The following RWDD3 variants were observed in gnomAD, a reference collection of about 807,000 sequenced individuals.
RWDD3 encodes RWD domain-containing protein 3.
RWDD3 carries 30 observed loss-of-function variants against 26.5 expected under a neutral mutation model. That is an observed-to-expected ratio of 1.13 (90% CI 0.85 to 1.54). RWDD3 has a LOEUF of 1.54. Ranked by LOEUF, RWDD3 falls within the 40% of genes most tolerant of loss-of-function variation. The probability of loss-of-function intolerance (pLI) is 0.00; values close to 1 mark genes in which losing one functional copy is unlikely to be tolerated. For missense variants in RWDD3, 296 were observed against 309.1 expected (o/e 0.96, Z 0.32); for synonymous variants, 113 against 114.5 (o/e 0.99, Z 0.09).
chr1:95,246,699 G>C (rs1256056713), intron 3 of RWDD3, 42 bp downstream of exon 3: 7 of 1,540,658 alleles, frequency 4.5e-6, no homozygotes, highest in Admixed American at 1.8e-5. Flanking sequence ...CAACTGAATC[G>C]ATAATTATAC....
chr1:95,234,382 TC>T, intron 1 of RWDD3, 67 bp downstream of exon 1: 1 of 1,442,226 alleles, frequency 6.9e-7, no homozygotes, highest in Non-Finnish European at 9.5e-7. Flanking sequence ...TTGCGTCTCC[TC>T]CCCACCACGG....
At chr1:95,238,885 T>G (rs1680486022) in intron 1 of RWDD3, among the ~76,000 whole-genome samples, 1 of 152,164 alleles carries the variant, frequency 6.6e-6, no homozygotes, top group Non-Finnish European at 1.5e-5. Context: ...TGGAATGTGT[T>G]TAGGAGCTTA....
intron 1 of RWDD3, among the ~76,000 whole-genome samples, chr1:95,242,932 A>G (rs1680696455): frequency 6.6e-6 from 1 of 152,194 alleles, no homozygotes; most frequent in Non-Finnish European, 1.5e-5. Context: ...AAAAAAAAGA[A>G]TAAGTAACTA....
chr1:95,236,257 C>G (rs370691067), intron 1 of RWDD3, among the ~76,000 whole-genome samples: 1 of 149,866 alleles, frequency 6.7e-6, no homozygotes. Flanking sequence ...ACCCGGGAGG[C>G]GGAGGTTGCA....
Position 95,244,588 on chromosome 1 carries a change from T to G in RWDD3, c.463T>G (p.Tyr155Asp). ...HLDHMRAKTK[Y>D]VKIVEKWASD... ...AGATCACATGAGAGCAAAGACTAAA[T>G]ATGTCAAAATTGTGGAGAAGTGGGC... is the stretch of plus-strand genomic sequence containing the variant. Residue 155 changes from tyrosine (Y) to aspartate (D), a missense_variant, in exon 2 of 4, where the codon TAT (tyrosine) becomes GAT (aspartate). Tyr to Asp is a radical substitution (Grantham distance 160). Transcript: ENST00000370202. The G allele has an allele frequency of 1.2e-6, 2 of 1,613,950 alleles. No homozygotes were observed. Among genetic ancestry groups the G allele is most frequent in the Non-Finnish European group, 1.7e-6 (2 of 1,180,026 alleles).
chr1:95,239,821 A>C, intron 1 of RWDD3: 1 of 1,289,600 alleles, frequency 7.8e-7, no homozygotes, highest in Non-Finnish European at 1.0e-6. Flanking sequence ...GTAAGGACTG[A>C]CATGGCTGGC....
At chr1:95,242,011 C>T (rs10874910) in intron 1 of RWDD3, among the ~76,000 whole-genome samples, 77,134 of 151,934 alleles carry the variant, frequency 0.51, 20,867 homozygotes, top group Middle Eastern at 0.71. Context: ...AAAGAGGATT[C>T]GGCTGCTTTC....
chr1:95,238,619 A>AG (rs1680470246), intron 1 of RWDD3, among the ~76,000 whole-genome samples: 1 of 46,212 alleles, frequency 2.2e-5, no homozygotes, highest in Non-Finnish European at 6.1e-5. Flanking sequence ...ACAATTGCAA[A>AG]GAAAAAAAAC....
At chr1:95,244,062 C>T in intron 1 of RWDD3, 149 bp from the exon 2 acceptor site, 2 of 1,197,688 alleles carry the variant, frequency 1.7e-6, no homozygotes, top group Non-Finnish European at 2.3e-6. Context: ...TAAATCATAG[C>T]TTTCCTAGTA....
At chr1:95,244,756 G>A in intron 2 of RWDD3, 58 bp downstream of exon 2, 2 of 1,540,888 alleles carry the variant, frequency 1.3e-6, no homozygotes, top group Non-Finnish European at 1.7e-6. Context: ...TAAATGGTGT[G>A]TCTTTAAGTG....
At chr1:95,234,159 C>T, upstream of RWDD3, 4 of 1,481,270 alleles carry the variant, frequency 2.7e-6, no homozygotes, top group Non-Finnish European at 9.1e-7. Context: ...GCGGGCAGTG[C>T]TGCTCCTGGC....
In RWDD3 at chr1:95,246,822, A is replaced by G. The variant is rs1428743237; in HGVS notation, c.756A>G (p.Ala252=). Residue 252 remains alanine, a synonymous_variant, in exon 4 of 4, where the codon GCA becomes GCG. Transcript: ENST00000370202. ...LDELQKEFET[A]GLKKLFSEFV... ...AATTACAAAAGGAATTTGAAACTGC[A>G]GGACTTAAGAAGCTTTTCTCCGAAT... 2 of 1,562,640 alleles carry G rather than the reference A, an allele frequency of 1.3e-6. No individual in the cohort carries two copies. The highest frequency in any genetic ancestry group is 2.8e-5 in the African/African-American group (2 of 72,188).
intron 2 of RWDD3, among the ~76,000 whole-genome samples, chr1:95,245,307 T>A (rs1680809444): frequency 6.6e-6 from 1 of 152,190 alleles, no homozygotes; most frequent in Non-Finnish European, 1.5e-5. Context: ...CTTCTTCAGA[T>A]TTTTCAAGTT....
At chr1:95,239,918 T>TTA in intron 1 of RWDD3, 1 of 1,289,666 alleles carries the variant, frequency 7.8e-7, no homozygotes. Flanking sequence ...CGGTAGGTGT[T>TTA]TATATGGCAC....
intron 1 of RWDD3, among the ~76,000 whole-genome samples, chr1:95,235,433 A>T (rs1680290640): frequency 8.2e-6 from 1 of 121,884 alleles, no homozygotes; most frequent in African/African-American, 3.2e-5. Context: ...ATCTCGGCTC[A>T]CTGCAAGCTC....
At chr1:95,237,143 G>A (rs1264145031) in intron 1 of RWDD3, among the ~76,000 whole-genome samples, 1 of 151,892 alleles carries the variant, frequency 6.6e-6, no homozygotes, top group Non-Finnish European at 1.5e-5. Context: ...TGGGAATTAA[G>A]GGGGTAAGGT....
intron 2 of RWDD3, 69 bp downstream of exon 2, chr1:95,244,767 T>G: frequency 2.7e-6 from 4 of 1,504,278 alleles, no homozygotes; most frequent in Non-Finnish European, 1.8e-6. Context: ...TCTTTAAGTG[T>G]GTTTTATAAC....
At chr1:95,246,277 G>T in intron 2 of RWDD3, 1 of 276,972 alleles carries the variant, frequency 3.6e-6, no homozygotes, top group Non-Finnish European at 6.8e-6. Flanking sequence ...GAGGATTTAA[G>T]TAACCAGCCC....
In RWDD3 at chr1:95,244,631, C is replaced by G. The variant is rs1179785918; in HGVS notation, c.506C>G (p.Thr169Arg). The G allele has an allele frequency of 6.2e-7, 1 of 1,614,016 alleles. No individual in the cohort carries two copies. The highest frequency in any genetic ancestry group is 8.5e-7 in the Non-Finnish European group (1 of 1,180,026). Reference protein sequence around the residue: ...VEKWASDLRLTGRLMFMGKII... With the variant: ...VEKWASDLRLRGRLMFMGKII... ...AAGTGGGCTTCAGATTTAAGGCTGA[C>G]AGGAAGACTGATGTTCATGGGTAAA... The change falls in exon 2 of 4, where the codon ACA becomes AGA. Residue 169 changes from threonine to arginine, a missense_variant. Transcript: ENST00000370202.
Sources: gnomAD v4.1 joint callset for allele counts (sites outside exome capture counted in the v4.1 genomes callset) on GRCh38, gnomAD v4.1.1 for gene constraint, MANE v1.5 for transcripts, NCBI Gene and HGNC (gene_info 2026-07-23, HGNC 2026-07-21) for gene names.